The following KLHL2 variants were observed in gnomAD, a reference collection of about 807,000 sequenced individuals.
KLHL2 encodes the protein kelch-like protein 2.
KLHL2 carries 15 observed loss-of-function variants against 75.8 expected under a neutral mutation model. The observed-to-expected ratio is 0.20, with a 90% CI of 0.13 to 0.30. The LOEUF (loss-of-function observed/expected upper bound fraction) is 0.30. Among genes scored for constraint, KLHL2 ranks in the 10% least tolerant of loss-of-function variants. KLHL2 has a pLI of 1.00. For synonymous variants in KLHL2, 214 were observed against 251.9 expected (o/e 0.85, Z 1.42); for missense variants, 381 against 741.0 (o/e 0.51, Z 5.64).
chr4:165,293,738 G>C (rs904557263), intron 5 of KLHL2, among the ~76,000 whole-genome samples: 1 of 145,694 alleles, frequency 6.9e-6, no homozygotes, highest in African/African-American at 2.6e-5. Context: ...GGATGGTCTC[G>C]ATCTCCTGAC....
chr4:165,238,634 A>G lies in KLHL2; in HGVS notation c.260-144A>G, dbSNP rs184482867. 128 of 1,467,846 alleles carry G rather than the reference A, an allele frequency of 8.7e-5. No individual in the cohort carries two copies. In the African/African-American group the frequency reaches 1.4e-3, roughly 16 times the overall value. The allele number at this position is 1,467,846 out of a possible 1,614,324, so 90.9% of individuals were successfully genotyped here. On this transcript the variant is annotated intron_variant, in intron 3 of 14. Coordinates refer to ENST00000226725, the MANE Select transcript of KLHL2 (RefSeq NM_007246.4). The stretch of plus-strand genomic sequence containing the variant: ...TGAGCTTTTGGAAGAGGAAGGGGGG[A>G]GTATTTTCGGCCTGCAAAAAGTGGC...
chr4:165,252,567 A>G (rs1740824268), intron 4 of KLHL2: 1 of 152,224 alleles, frequency 6.6e-6, no homozygotes, highest in African/African-American at 2.4e-5. Context: ...TAATTTATGA[A>G]AACTTTATTT....
At chr4:165,309,604 G>A (rs927049742) in intron 9 of KLHL2, among the ~76,000 whole-genome samples, 1 of 152,184 alleles carries the variant, frequency 6.6e-6, no homozygotes, top group Non-Finnish European at 1.5e-5. Context: ...GTAAATGAAT[G>A]AGTGTGGCAG....
At chr4:165,277,785 A>ACACC (rs1204584506) in intron 5 of KLHL2, 76 of 603,004 alleles carry the variant, frequency 1.3e-4, no homozygotes, top group African/African-American at 3.2e-4. Flanking sequence ...ACACACACAC[A>ACACC]CCAAATATTT....
intron 5 of KLHL2, among the ~76,000 whole-genome samples, chr4:165,291,166 TGTTTA>T (rs1744475777): frequency 6.6e-6 from 1 of 152,216 alleles, no homozygotes; most frequent in Non-Finnish European, 1.5e-5. Flanking sequence ...TTTTGCCCAT[TGTTTA>T]GTTGAGTTGT....
At chr4:165,263,802 ATTGTT>A (rs1447993642) in intron 5 of KLHL2, among the ~76,000 whole-genome samples, 1,124 of 93,478 alleles carry the variant, frequency 0.012, 23 homozygotes, top group African/African-American at 0.038. Context: ...GATTTTTTAC[ATTGTT>A]TTTTTTTTTT....
intron 4 of KLHL2, 21 bp from the exon 5 acceptor site, chr4:165,263,176 A>G (rs1579068497): frequency 1.2e-6 from 2 of 1,611,430 alleles, no homozygotes; most frequent in East Asian, 4.5e-5. Flanking sequence ...GTGCCTAAGA[A>G]TATTGATGTG....
chr4:165,307,827 T>C (rs1029416827), intron 9 of KLHL2, among the ~76,000 whole-genome samples: 2 of 152,236 alleles, frequency 1.3e-5, no homozygotes, highest in African/African-American at 4.8e-5. Flanking sequence ...TACAGTTTTA[T>C]TTATAAATAT....
Position 165,297,685 on chromosome 4 carries a change from A to G in KLHL2, c.731A>G (p.His244Arg), listed in dbSNP as rs1745019831. ...RQEFMARLME[H>R]VRLPLLPREY... ...GAGTTTATGGCCCGACTGATGGAAC[A>G]TGTACGGTTACCTTTGCTTCCTCGG... The change falls in exon 7 of 15, where the codon CAT becomes CGT. Residue 244 changes from histidine (H) to arginine (R), a missense_variant. By Grantham distance (29) the His-to-Arg change is conservative. Coordinates refer to ENST00000226725, the MANE Select transcript of KLHL2 (RefSeq NM_007246.4). 6.2e-7 allele frequency: 1 copy of G among 1,613,860 alleles called. No individual in the cohort carries two copies. The highest frequency in any genetic ancestry group is 2.2e-5 in the East Asian group (1 of 44,886).
chr4:165,322,061 G>A lies in KLHL2; in HGVS notation c.*1G>A. The A allele has an allele frequency of 6.2e-7, 1 of 1,612,996 alleles. No homozygotes were observed. The highest frequency in any genetic ancestry group is 1.3e-5 in the African/African-American group (1 of 74,962). On this transcript the variant is annotated 3_prime_UTR_variant, in exon 15 of 15. Transcript: ENST00000226725. ...CACAGTTATTGATAAACCATTATGA[G>A]CCTGAAGGACATTTTCAGCATATTT...
chr4:165,269,839 A>G (rs1208390038), intron 5 of KLHL2, among the ~76,000 whole-genome samples: 1 of 151,640 alleles, frequency 6.6e-6, no homozygotes, highest in Non-Finnish European at 1.5e-5. Flanking sequence ...GGTGTTCTCT[A>G]TATTTCCTGA....
chr4:165,295,109 T>C (rs1744813718), intron 6 of KLHL2, among the ~76,000 whole-genome samples: 1 of 152,208 alleles, frequency 6.6e-6, no homozygotes, highest in Non-Finnish European at 1.5e-5. Context: ...GAATTACCTT[T>C]GTCAGCCACC....
rs868751251 is a variant in KLHL2, at chr4:165,276,768, C to A, written c.544+13409C>A. 3.9e-5 allele frequency among the ~76,000 whole-genome samples: 6 copies of A among 152,184 alleles called. No individual in the cohort carries two copies. In the Middle Eastern group the frequency reaches 0.01, roughly 259 times the overall value. On this transcript the variant is annotated intron_variant, in intron 5 of 14. Coordinates refer to ENST00000226725, the MANE Select transcript of KLHL2 (RefSeq NM_007246.4). The stretch of plus-strand genomic sequence containing the variant: ...ATAACATTTGAACTGAAAGAGATTC[C>A]TGGCTTTATTTCTATATTTTTTTCT...
rs1747034655 is a variant in KLHL2, at chr4:165,322,169, C to T, written c.*109C>T. The T allele has an allele frequency of 9.6e-7, 1 of 1,044,482 alleles. No individual in the cohort carries two copies. Among genetic ancestry groups the T allele is most frequent in the East Asian group, 2.4e-5 (1 of 42,158 alleles). The allele number at this position is 1,044,482 out of a possible 1,614,324, so 64.7% of individuals were successfully genotyped here. On this transcript the variant is annotated 3_prime_UTR_variant, in exon 15 of 15. Transcript: ENST00000226725. The stretch of plus-strand genomic sequence containing the variant: ...CTCCACTTGTAGCTGCACTTTAAGT[C>T]TCAGCAGAAGATACGATCGTCTGCC...
At chr4:165,294,226 C>T in intron 5 of KLHL2, 133 bp from the exon 6 acceptor site, 1 of 578,904 alleles carries the variant, frequency 1.7e-6, no homozygotes, top group Non-Finnish European at 3.1e-6. Context: ...CTTGTTAGTT[C>T]TTGCCTGGAG....
intron 1 of KLHL2, among the ~76,000 whole-genome samples, chr4:165,216,480 T>C (rs1170056306): frequency 6.6e-6 from 1 of 152,170 alleles, no homozygotes; most frequent in Non-Finnish European, 1.5e-5. Flanking sequence ...CTTCAGGTAT[T>C]TTAAGGGAGA....
intron 4 of KLHL2, among the ~76,000 whole-genome samples, chr4:165,246,965 A>G (rs1740311396): frequency 1.3e-5 from 2 of 152,070 alleles, no homozygotes; most frequent in Admixed American, 1.3e-4. Flanking sequence ...GATGAGGGAG[A>G]TGGAGTACTG....
chr4:165,274,106 C>T (rs1240595738), intron 5 of KLHL2, among the ~76,000 whole-genome samples: 1 of 151,784 alleles, frequency 6.6e-6, no homozygotes, highest in Admixed American at 6.6e-5. Context: ...CTATCATAGG[C>T]AGTAGGACTT....
chr4:165,219,236 G>A (rs375391505), intron 1 of KLHL2, among the ~76,000 whole-genome samples: 3,483 of 147,322 alleles, frequency 0.024, no homozygotes, highest in Middle Eastern at 0.062. Flanking sequence ...GAACAAGATG[G>A]AGAATCAGAC....
Sources: gnomAD v4.1 joint callset for allele counts (sites outside exome capture counted in the v4.1 genomes callset) on GRCh38, gnomAD v4.1.1 for gene constraint, MANE v1.5 for transcripts, NCBI Gene and HGNC (gene_info 2026-07-23, HGNC 2026-07-21) for gene names.